DCPH1: variants seen among roughly 807,000 people sequenced by gnomAD.
DCPH1 encodes the protein damage control phosphatase 1.
At chr6:151,464,049 A>G in the DCPH1 span, among the ~76,000 whole-genome samples, 17 of 152,318 alleles carry the variant, frequency 1.1e-4, no homozygotes, top group East Asian at 5.8e-4. Context: ...ATTGTATTCA[A>G]ATATTCTGTT....
chr6:151,458,343 G>A, the DCPH1 span: 1 of 1,611,194 alleles, frequency 6.2e-7, no homozygotes, highest in Non-Finnish European at 8.5e-7. Flanking sequence ...CGTGGAAGCT[G>A]AAAAGAAAGC....
chr6:151,461,994 A>G, the DCPH1 span, among the ~76,000 whole-genome samples: 2 of 152,210 alleles, frequency 1.3e-5, no homozygotes, highest in Non-Finnish European at 2.9e-5. Flanking sequence ...GGGGATCCCT[A>G]TCCTAGGTCA....
At chr6:151,467,217 C>T in the DCPH1 span, among the ~76,000 whole-genome samples, 1,341 of 151,458 alleles carry the variant, frequency 8.9e-3, 22 homozygotes, top group African/African-American at 0.031. Flanking sequence ...CACCACCGCA[C>T]TCCAGCCTCG....
the DCPH1 span, among the ~76,000 whole-genome samples, chr6:151,455,791 T>G: frequency 6.6e-6 from 1 of 151,596 alleles, no homozygotes; most frequent in African/African-American, 2.4e-5. Context: ...GTCAGGTCTT[T>G]CCCTTCCCAC....
chr6:151,452,523 T>C, the DCPH1 span: 449 of 1,611,180 alleles, frequency 2.8e-4, no homozygotes, highest in Non-Finnish European at 3.6e-4. Flanking sequence ...AGCCGAGCTT[T>C]GCGGCCGGGA....
the DCPH1 span, chr6:151,464,734 A>G: frequency 4.5e-6 from 3 of 662,274 alleles, no homozygotes; most frequent in South Asian, 2.8e-5. Context: ...TTTTTTATCT[A>G]GTGGTGTTAA....
the DCPH1 span, among the ~76,000 whole-genome samples, chr6:151,467,651 G>T: frequency 6.6e-6 from 1 of 152,074 alleles, no homozygotes; most frequent in African/African-American, 2.4e-5. Context: ...AAGATGCTGA[G>T]TTTGAACCCA....
the DCPH1 span, among the ~76,000 whole-genome samples, chr6:151,467,927 A>C: frequency 6.6e-6 from 1 of 152,228 alleles, no homozygotes; most frequent in East Asian, 1.9e-4. Context: ...TAGTGAAAGA[A>C]ACTGGACAGT....
the DCPH1 span, among the ~76,000 whole-genome samples, chr6:151,465,369 T>C: frequency 6.6e-6 from 1 of 151,786 alleles, no homozygotes; most frequent in East Asian, 1.9e-4. Context: ...TGAAGAGAAA[T>C]AAAGCAGGAA....
the DCPH1 span, among the ~76,000 whole-genome samples, chr6:151,463,221 AGACT>A: frequency 6.6e-6 from 1 of 152,210 alleles, no homozygotes; most frequent in Non-Finnish European, 1.5e-5. Context: ...TCACCTTGAG[AGACT>A]GACTGATTTC....
the DCPH1 span, chr6:151,468,776 A>G: frequency 1.9e-6 from 3 of 1,614,140 alleles, no homozygotes; most frequent in Non-Finnish European, 2.5e-6. Context: ...TGGGTTTACC[A>G]CAATCATATA....
At chr6:151,467,068 T>G in the DCPH1 span, among the ~76,000 whole-genome samples, 1 of 152,036 alleles carries the variant, frequency 6.6e-6, no homozygotes, top group Non-Finnish European at 1.5e-5. Context: ...CTGGCTAACA[T>G]GGTAAAACCC....
At chr6:151,459,102 A>G in the DCPH1 span, among the ~76,000 whole-genome samples, 13 of 152,340 alleles carry the variant, frequency 8.5e-5, no homozygotes, top group African/African-American at 2.6e-4. Flanking sequence ...GCACCACTGC[A>G]CTGCAGCCTG....
the DCPH1 span, chr6:151,454,543 T>C: frequency 1.5e-6 from 2 of 1,351,116 alleles, no homozygotes; most frequent in Non-Finnish European, 2.1e-6. Flanking sequence ...GTGACTCTTT[T>C]CTAGATCATT....
chr6:151,469,224 T>G, the DCPH1 span: 1 of 846,114 alleles, frequency 1.2e-6, no homozygotes, highest in Non-Finnish European at 1.8e-6. Flanking sequence ...TCAGGGAAGC[T>G]TAGCTTCTTG....
chr6:151,467,787 A>G, the DCPH1 span, among the ~76,000 whole-genome samples: 1 of 152,210 alleles, frequency 6.6e-6, no homozygotes, highest in Admixed American at 6.5e-5. Context: ...AATTGATTAC[A>G]ATGGGTCTTT....
the DCPH1 span, chr6:151,464,387 T>C: frequency 2.6e-6 from 3 of 1,150,694 alleles, no homozygotes; most frequent in Non-Finnish European, 3.8e-6. Flanking sequence ...GCTATTTTCT[T>C]TCAAGAACTG....
At chr6:151,455,891 C>T in the DCPH1 span, among the ~76,000 whole-genome samples, 9 of 152,406 alleles carry the variant, frequency 5.9e-5, no homozygotes, top group Non-Finnish European at 1.2e-4. Context: ...TCCGGCCTTC[C>T]GCAGTTTTTG....
chr6:151,467,665 C>T, the DCPH1 span, among the ~76,000 whole-genome samples: 83 of 151,970 alleles, frequency 5.5e-4, no homozygotes, highest in Non-Finnish European at 9.1e-4. Context: ...GAACCCAGGT[C>T]GAGCTGGAAG....
Sources: allele counts gnomAD v4.1 joint callset (sites outside exome capture counted in the v4.1 genomes callset), GRCh38; gene constraint gnomAD v4.1.1; transcripts MANE v1.5; gene names NCBI Gene and HGNC (gene_info 2026-07-23, HGNC 2026-07-21).